The following CMTM4 variants were observed in gnomAD, a reference collection of about 807,000 sequenced individuals.
CMTM4 encodes CKLF-like MARVEL transmembrane domain-containing protein 4.
CMTM4 carries 8 observed loss-of-function variants against 19.0 expected under a neutral mutation model. The ratio of observed to expected loss-of-function variants is 0.42; its 90% CI spans 0.25 to 0.76. The LOEUF is 0.76. Ranked by LOEUF, CMTM4 falls within the 30% of genes least tolerant of loss-of-function variation. The pLI is 0.27. For synonymous variants in CMTM4, 106 were observed against 121.1 expected, an observed-to-expected ratio of 0.88 and a Z score of 0.82; for missense variants, 228 against 290.2, an observed-to-expected ratio of 0.79 and a Z score of 1.56.
Position 66,620,321 on chromosome 16 carries a change from T to C in CMTM4, c.*1737A>G. ...GCTGTGAGCTGGCCTGGCTGCCCTC[T>C]CTGTGGGAGCAGAGGGGAGACGAGT... is the stretch of plus-strand genomic sequence containing the variant. On this transcript the variant is annotated 3_prime_UTR_variant, in exon 4 of 4. Transcript: ENST00000394106. The C allele has an allele frequency of 1.0e-6, 1 of 985,438 alleles. No homozygotes were observed. The highest frequency in any genetic ancestry group is 1.2e-6 in the Non-Finnish European group (1 of 829,934). 61.0% of individuals were successfully genotyped at this position (985,438 alleles called of 1,614,324 possible).
Position 66,621,406 on chromosome 16 carries a change from T to C in CMTM4, c.*652A>G, listed in dbSNP as rs1046785788. On this transcript the variant is annotated 3_prime_UTR_variant, in exon 4 of 4. Transcript: ENST00000394106. ...GCCCCCATATTCCTGGAGAAGAATC[T>C]GGGGTTCAGGAAGGTGATTCATTTG... The C allele has an allele frequency of 1.6e-5, 16 of 985,766 alleles. No individual in the cohort carries two copies. The African/African-American group carries it at 2.1e-4, about 13-fold the overall frequency. 61.1% of individuals were successfully genotyped at this position (985,766 alleles called of 1,614,324 possible). A position where few individuals can be genotyped will look rare whatever the true frequency, so the allele number is the denominator to read the frequency against.
chr16:66,667,968 T>A (rs1325690664), intron 1 of CMTM4, among the ~76,000 whole-genome samples: 1 of 149,196 alleles, frequency 6.7e-6, no homozygotes, highest in East Asian at 2.1e-4. Flanking sequence ...CTTTTCCCTG[T>A]TTTTTTGTTT....
chr16:66,681,570 C>G (rs2016915542), intron 1 of CMTM4, among the ~76,000 whole-genome samples: 2 of 152,206 alleles, frequency 1.3e-5, no homozygotes, highest in Admixed American at 1.3e-4. Flanking sequence ...TCCCAAAGTG[C>G]TGGGATTACA....
the CMTM4 span, among the ~76,000 whole-genome samples, chr16:66,598,599 G>T: frequency 6.6e-6 from 1 of 152,024 alleles, no homozygotes; most frequent in Non-Finnish European, 1.5e-5. Flanking sequence ...GGCAACCACC[G>T]ATCTGATTTC....
the CMTM4 span, among the ~76,000 whole-genome samples, chr16:66,605,856 G>A: frequency 6.6e-6 from 1 of 152,148 alleles, no homozygotes; most frequent in Admixed American, 6.5e-5. The surrounding 1 kb of genome is among the most constrained non-coding windows in gnomAD (Gnocchi z 4.6). Context: ...GAGGGCAGAA[G>A]GTGGTCCTGC....
chr16:66,598,907 G>A, the CMTM4 span, among the ~76,000 whole-genome samples: 1 of 151,954 alleles, frequency 6.6e-6, no homozygotes, highest in African/African-American at 2.4e-5. Context: ...TTGGGAGGCT[G>A]AAGGATCCTT....
intron 1 of CMTM4, among the ~76,000 whole-genome samples, chr16:66,655,000 C>T (rs773097015): frequency 6.6e-6 from 1 of 151,866 alleles, no homozygotes; most frequent in African/African-American, 2.4e-5. Context: ...TTTTGGGTTT[C>T]GGGGGGCTTT....
intron 1 of CMTM4, among the ~76,000 whole-genome samples, chr16:66,676,076 G>A (rs1031304273): frequency 6.6e-6 from 1 of 152,094 alleles, no homozygotes; most frequent in African/African-American, 2.4e-5. Context: ...CAAATTTGCT[G>A]TCAAATTATC....
the CMTM4 span, among the ~76,000 whole-genome samples, chr16:66,600,410 G>A: frequency 2.0e-5 from 3 of 152,226 alleles, no homozygotes; most frequent in South Asian, 6.2e-4. Flanking sequence ...CTCCCAAAGT[G>A]CTGGGATTAC....
In CMTM4 at chr16:66,655,024, C is replaced by A. The variant is rs539568592; in HGVS notation, c.187-18443G>T. Among the ~76,000 whole-genome samples the A allele has an allele frequency of 2.6e-5, 4 of 152,212 alleles. No individual in the cohort carries two copies. In the East Asian group the frequency reaches 7.7e-4, roughly 29 times the overall value. On this transcript the variant is annotated intron_variant, in intron 1 of 3. Coordinates refer to ENST00000394106, the MANE Select transcript of CMTM4 (RefSeq NM_181521.3). ...TCGGGGGGCTTTTTTGAGACAGAGTCTCACTCTGTCACCCAGGCTAGAGTG... is the reference window on the plus strand; with the variant it reads ...TCGGGGGGCTTTTTTGAGACAGAGTATCACTCTGTCACCCAGGCTAGAGTG...
At chr16:66,643,829 C>A (rs1596925432) in intron 1 of CMTM4, among the ~76,000 whole-genome samples, 1 of 152,208 alleles carries the variant, frequency 6.6e-6, no homozygotes, top group African/African-American at 2.4e-5. Flanking sequence ...TCTCGGCTCA[C>A]CGCAACCTCT....
the CMTM4 span, among the ~76,000 whole-genome samples, chr16:66,607,723 G>T: frequency 2.6e-5 from 4 of 152,190 alleles, no homozygotes; most frequent in African/African-American, 9.7e-5. Context: ...TGCTTGGAAG[G>T]CTGGGGCTTT....
At position 66,620,660 on chromosome 16, in the gene CMTM4, T is replaced by C. The variant is rs1448458595; in HGVS notation, c.*1398A>G. 1 of 985,846 alleles carries C rather than the reference T, an allele frequency of 1.0e-6. No homozygotes were observed. The highest frequency in any genetic ancestry group is 1.2e-6 in the Non-Finnish European group (1 of 829,942). 61.1% of individuals were successfully genotyped at this position (985,846 alleles called of 1,614,324 possible). On this transcript the variant is annotated 3_prime_UTR_variant, in exon 4 of 4. Transcript: ENST00000394106. Reference sequence around the variant, plus strand: ...TTTGTCAGCACTTGATCTTGGGGATTTCTCCATGTTACTGCAAAATCTTCC... The same window carrying C: ...TTTGTCAGCACTTGATCTTGGGGATCTCTCCATGTTACTGCAAAATCTTCC...
At chr16:66,610,088 T>G (rs1597209926), downstream of CMTM4, 1 of 1,541,378 alleles carries the variant, frequency 6.5e-7, no homozygotes, top group Non-Finnish European at 8.9e-7. The surrounding 1 kb of genome is among the most constrained non-coding windows in gnomAD (Gnocchi z 4.6). Flanking sequence ...GAGGCTGGGG[T>G]GGGATCATTT....
intron 1 of CMTM4, among the ~76,000 whole-genome samples, chr16:66,659,417 G>A (rs536199009): frequency 1.3e-5 from 2 of 151,688 alleles, no homozygotes; most frequent in African/African-American, 4.8e-5. Flanking sequence ...ACCAGTCAAG[G>A]CCAAAATGGG....
chr16:66,639,048 A>G (rs1050982184), intron 1 of CMTM4, among the ~76,000 whole-genome samples: 1 of 152,218 alleles, frequency 6.6e-6, no homozygotes, highest in South Asian at 2.1e-4. Context: ...TTTACTTGTC[A>G]ATAACACAAA....
At chr16:66,610,186 C>T, downstream of CMTM4, 1 of 720,474 alleles carries the variant, frequency 1.4e-6, no homozygotes, top group Non-Finnish European at 2.2e-6. This position sits in a 1 kb window ranked among gnomAD's most constrained non-coding sequence, Gnocchi z 4.6. Context: ...CCATTCGCCT[C>T]GTGCACCCTC....
chr16:66,630,486 GC>G (rs1567406865), intron 2 of CMTM4, among the ~76,000 whole-genome samples: 1 of 151,810 alleles, frequency 6.6e-6, no homozygotes, highest in East Asian at 1.9e-4. Flanking sequence ...TTGCAGGCGC[GC>G]GCCGCCACGC....
the CMTM4 span, among the ~76,000 whole-genome samples, chr16:66,606,148 G>A: frequency 6.6e-6 from 1 of 152,164 alleles, no homozygotes; most frequent in Non-Finnish European, 1.5e-5. Flanking sequence ...AAGGGTGAAC[G>A]GTCAGCACTC....
Sources: gnomAD v4.1 joint callset for allele counts (sites outside exome capture counted in the v4.1 genomes callset) on GRCh38, gnomAD v4.1.1 for gene constraint, Gnocchi (gnomAD v3.1) non-coding constraint, MANE v1.5 for transcripts, NCBI Gene and HGNC (gene_info 2026-07-23, HGNC 2026-07-21) for gene names.